The following KIF16B variants were observed in gnomAD, a reference collection of about 807,000 sequenced individuals.
The protein encoded by KIF16B is kinesin family member 16B.
A neutral mutation model predicts 156.3 loss-of-function variants in KIF16B; 98 were observed. That is an observed-to-expected ratio of 0.63 (90% confidence interval 0.53 to 0.74). The LOEUF is 0.74. Ranked by LOEUF, KIF16B falls within the 30% of genes least tolerant of loss-of-function variation. The probability of loss-of-function intolerance (pLI) is 0.00; values close to 1 mark genes in which losing one functional copy is unlikely to be tolerated. For synonymous variants in KIF16B, 564 were observed against 583.7 expected, an observed-to-expected ratio of 0.97 and a Z score of 0.49; for missense variants, 1,421 against 1,606.5, an observed-to-expected ratio of 0.88 and a Z score of 1.97.
chr20:16,551,433 C>T (rs779627214), intron 1 of KIF16B, among the ~76,000 whole-genome samples: 2 of 152,120 alleles, frequency 1.3e-5, no homozygotes, highest in Non-Finnish European at 2.9e-5. Context: ...CTGGCCGAGG[C>T]GCTTTCTCTC....
At chr20:16,476,433 ACT>A (rs2067815288) in intron 12 of KIF16B, among the ~76,000 whole-genome samples, 1 of 152,242 alleles carries the variant, frequency 6.6e-6, no homozygotes, top group Non-Finnish European at 1.5e-5. Context: ...ATCTTTACTT[ACT>A]AACAGCAGAC....
At chr20:16,342,948 CAGAA>C (rs2064165871) in intron 23 of KIF16B, among the ~76,000 whole-genome samples, 1 of 152,150 alleles carries the variant, frequency 6.6e-6, no homozygotes, top group Non-Finnish European at 1.5e-5. Context: ...AAAAAATAGA[CAGAA>C]AGGCAAAATT....
At chr20:16,480,766 C>A (rs146474624) in intron 12 of KIF16B, among the ~76,000 whole-genome samples, 17 of 152,196 alleles carry the variant, frequency 1.1e-4, no homozygotes, top group African/African-American at 3.9e-4. Flanking sequence ...CATCTCTTCA[C>A]ACTTTGTGTA....
chr20:16,395,623 C>T (rs528389787), intron 17 of KIF16B, among the ~76,000 whole-genome samples: 6 of 151,982 alleles, frequency 3.9e-5, no homozygotes, highest in Non-Finnish European at 8.8e-5. Flanking sequence ...GGATGCTAAT[C>T]TCATAGAGCA....
intron 24 of KIF16B, among the ~76,000 whole-genome samples, chr20:16,333,146 G>A (rs1191063905): frequency 6.6e-6 from 1 of 152,010 alleles, no homozygotes; most frequent in African/African-American, 2.4e-5. Context: ...AGGCCTTTTT[G>A]TTCTTGGAAC....
At chr20:16,410,170 CAT>C (rs374405612) in intron 15 of KIF16B, among the ~76,000 whole-genome samples, 41 of 134,806 alleles carry the variant, frequency 3.0e-4, no homozygotes, top group East Asian at 1.7e-3. Context: ...TATGTAGGTA[CAT>C]ATATATATGT....
intron 1 of KIF16B, among the ~76,000 whole-genome samples, chr20:16,554,418 G>T (rs1043908518): frequency 1.3e-5 from 2 of 152,152 alleles, no homozygotes; most frequent in East Asian, 3.9e-4. Flanking sequence ...CCCACTCCAG[G>T]GTCTCCTCTC....
intron 10 of KIF16B, among the ~76,000 whole-genome samples, chr20:16,501,323 G>T (rs1425309891): frequency 3.6e-5 from 3 of 84,042 alleles, no homozygotes; most frequent in Non-Finnish European, 6.1e-5. Flanking sequence ...ACCAAGAATT[G>T]AATTCTTGGT....
intron 25 of KIF16B, among the ~76,000 whole-genome samples, chr20:16,308,328 A>G (rs910882455): frequency 3.9e-5 from 6 of 152,234 alleles, no homozygotes; most frequent in African/African-American, 9.6e-5. Flanking sequence ...GGCACAGAGT[A>G]GGTGCTCAAT....
At chr20:16,377,112 T>C (rs2123383151) in intron 19 of KIF16B, among the ~76,000 whole-genome samples, 1 of 152,276 alleles carries the variant, frequency 6.6e-6, no homozygotes, top group South Asian at 2.1e-4. Flanking sequence ...TTCCTTGTTA[T>C]CAGCAACCAG....
chr20:16,404,690 T>C (rs1055957767), intron 17 of KIF16B, 123 bp downstream of exon 17: 9 of 676,758 alleles, frequency 1.3e-5, no homozygotes, highest in Non-Finnish European at 1.8e-5. Flanking sequence ...AAAATGACGG[T>C]GGCTGATTTG....
chr20:16,467,458 T>A (rs1303824436), intron 12 of KIF16B, among the ~76,000 whole-genome samples: 1 of 152,152 alleles, frequency 6.6e-6, no homozygotes, highest in Non-Finnish European at 1.5e-5. Flanking sequence ...GTTCCATAAT[T>A]ATGTCAGGAA....
intron 3 of KIF16B, among the ~76,000 whole-genome samples, chr20:16,521,385 A>T (rs62199810): frequency 0.011 from 1,681 of 152,008 alleles, 14 homozygotes; most frequent in Middle Eastern, 0.061. Context: ...ACAGGTATTA[A>T]TAGCTGAGTA....
chr20:16,407,603 T>C (rs1419158668), intron 15 of KIF16B, among the ~76,000 whole-genome samples: 3 of 152,020 alleles, frequency 2.0e-5, no homozygotes, highest in African/African-American at 4.8e-5. Context: ...GTCTAAGCTA[T>C]AGAAAGGAGA....
At chr20:16,458,078 CA>C (rs2067255876) in intron 12 of KIF16B, among the ~76,000 whole-genome samples, 2 of 152,204 alleles carry the variant, frequency 1.3e-5, no homozygotes, top group South Asian at 4.2e-4. Context: ...CAACCCAGAT[CA>C]AAACGGTATA....
intron 23 of KIF16B, among the ~76,000 whole-genome samples, chr20:16,338,074 T>C (rs575801974): frequency 6.6e-6 from 1 of 152,182 alleles, no homozygotes; most frequent in East Asian, 1.9e-4. Flanking sequence ...ATGCTTCCAC[T>C]GCACTTCTTG....
chr20:16,413,488 C>T (rs2066008723), intron 15 of KIF16B, among the ~76,000 whole-genome samples: 1 of 152,106 alleles, frequency 6.6e-6, no homozygotes, highest in Non-Finnish European at 1.5e-5. Flanking sequence ...TAAAACAACT[C>T]ATTTTTTCTC....
At chr20:16,404,939 GAGA>G (rs1453638336) in intron 16 of KIF16B, 38 bp from the exon 17 acceptor site, 2 of 1,458,596 alleles carry the variant, frequency 1.4e-6, no homozygotes, top group Non-Finnish European at 1.9e-6. Context: ...TACCTTAGCA[GAGA>G]AGAAAAGGCC....
At chr20:16,369,511 T>C (rs2064764920) in intron 22 of KIF16B, among the ~76,000 whole-genome samples, 1 of 152,214 alleles carries the variant, frequency 6.6e-6, no homozygotes, top group Non-Finnish European at 1.5e-5. Flanking sequence ...AAATACTTTG[T>C]ATGGGGTTGA....
Sources: gnomAD v4.1 joint callset for allele counts (sites outside exome capture counted in the v4.1 genomes callset) on GRCh38, gnomAD v4.1.1 for gene constraint, MANE v1.5 for transcripts, NCBI Gene and HGNC (gene_info 2026-07-23, HGNC 2026-07-21) for gene names.